Variants in SRCAP observed in about 807,000 individuals in gnomAD.
SRCAP encodes the protein Snf2 related CREBBP activator protein, also known as chromatin remodeling protein SRCAP.
SRCAP carries 46 observed loss-of-function variants against 263.1 expected under a neutral mutation model. That is an observed-to-expected ratio of 0.17 (90% CI 0.14 to 0.22). The LOEUF is 0.22. Among genes scored for constraint, SRCAP ranks in the 10% least tolerant of loss-of-function variants. The pLI, the probability that SRCAP is intolerant of heterozygous loss-of-function variation, is 1.00. For missense variants in SRCAP, 3,695 were observed against 4,181.9 expected, an observed-to-expected ratio of 0.88 and a Z score of 3.21; for synonymous variants, 1,813 against 1,662.1, an observed-to-expected ratio of 1.09 and a Z score of -2.21.
At position 30,700,698 on chromosome 16, in the gene SRCAP, G is replaced by T; in HGVS notation, c.-127G>T. 5.7e-6 allele frequency: 5 copies of T among 878,910 alleles called. No individual in the cohort carries two copies. Among genetic ancestry groups the T allele is most frequent in the South Asian group, 5.5e-5 (3 of 54,150 alleles). The allele number at this position is 878,910 out of a possible 1,614,324, so 54.4% of individuals were successfully genotyped here. On this transcript the variant is annotated 5_prime_UTR_variant, in exon 3 of 34. Transcript: ENST00000262518. ...CCCTGGAAGGCGGGTCCCGGTGGCC[G>T]GTGGCCCAGAATGAGGCCAGCTCCC...
In SRCAP at chr16:30,739,519, C is replaced by G. The variant is rs776927878; in HGVS notation, c.9479C>G (p.Pro3160Arg). The change falls in exon 34 of 34, where the codon CCA (proline) becomes CGA (arginine). Residue 3160 changes from proline (P) to arginine (R), a missense_variant. This residue lies in a region of SRCAP where 1,207 missense variants were observed against 1,142.9 expected (regional missense o/e 1.06). Coordinates refer to ENST00000262518, the MANE Select transcript of SRCAP (RefSeq NM_006662.3). ...GLAKRGRLQP[P>R]SPLGPEGSVE... ...GCAAAGCGGGGCCGCCTACAGCCCC[C>G]AAGTCCCCTGGGGCCTGAGGGTTCA... 2.5e-6 allele frequency: 4 copies of G among 1,612,466 alleles called. No individual in the cohort carries two copies. Among genetic ancestry groups the G allele is most frequent in the Non-Finnish European group, 2.5e-6 (3 of 1,179,430 alleles).
chr16:30,726,357 C>G (rs1160925557), intron 25 of SRCAP: 3 of 152,252 alleles, frequency 2.0e-5, no homozygotes, highest in Middle Eastern at 3.4e-3. Context: ...GACAGGTGTT[C>G]TCAGTTTCTG....
At chr16:30,729,287 A>G in intron 26 of SRCAP, 56 bp downstream of exon 26, 2 of 1,598,928 alleles carry the variant, frequency 1.3e-6, no homozygotes, top group South Asian at 1.1e-5. Flanking sequence ...GAGTGGATGT[A>G]GTGCTTAGGG....
At chr16:30,705,263 G>A in intron 4 of SRCAP, among the ~76,000 whole-genome samples, 1 of 152,124 alleles carries the variant, frequency 6.6e-6, no homozygotes, top group East Asian at 1.9e-4. Flanking sequence ...TGATGCCACT[G>A]CACACCAGCC....
At position 30,729,432 on chromosome 16, in the gene SRCAP, C is replaced by T. The variant is rs747266980; in HGVS notation, c.5987C>T (p.Pro1996Leu). ...CCTTCCCTGCATGCCTGCCACCCACCTCCTTGGCTGGCCCCACGTCAGGCA... is the reference window on the plus strand; with the variant it reads ...CCTTCCCTGCATGCCTGCCACCCACTTCCTTGGCTGGCCCCACGTCAGGCA... ...PPPSLHACHP[P>L]PWLAPRQAAF... is the part of the protein sequence containing the mutation. Residue 1996 changes from proline (P) to leucine (L), a missense_variant, in exon 27 of 34, where the codon CCT becomes CTT. Around this residue, in one of 12 missense-constraint regions of SRCAP, gnomAD observed 1,347 missense variants for 1,304.4 expected, o/e 1.03. Coordinates refer to ENST00000262518, the MANE Select transcript of SRCAP (RefSeq NM_006662.3). The T allele has an allele frequency of 2.3e-5, 37 of 1,614,100 alleles. No individual in the cohort carries two copies. In the South Asian group the frequency reaches 3.8e-4, roughly 17 times the overall value.
In SRCAP at chr16:30,711,669, A is replaced by G. The variant is rs573674824; in HGVS notation, c.1417A>G (p.Asn473Asp). The change falls in exon 11 of 34, where the codon AAT (asparagine) becomes GAT (aspartate). Residue 473 changes from asparagine to aspartate, a missense_variant. By Grantham distance (23) the Asn-to-Asp change is conservative (BLOSUM62 1). This residue lies in a region of SRCAP where 288 missense variants were observed against 302.4 expected (regional missense o/e 0.95). Transcript: ENST00000262518. Reference sequence around the variant, plus strand: ...TGAGGATGAAGATGAGGTTGATGCTAATAGCTCTGACTGTGAACCAGAGGG... The same window carrying G: ...TGAGGATGAAGATGAGGTTGATGCTGATAGCTCTGACTGTGAACCAGAGGG... The part of the protein sequence containing the change: ...EDEDEDEVDA[N>D]SSDCEPEGPV... 66 of 1,614,108 alleles carry G rather than the reference A, an allele frequency of 4.1e-5. 1 individual carries two copies. In the South Asian group the frequency reaches 5.8e-4, roughly 14 times the overall value.
At chr16:30,719,462 G>A (rs1250190236) in intron 18 of SRCAP, among the ~76,000 whole-genome samples, 6 of 151,570 alleles carry the variant, frequency 4.0e-5, no homozygotes, top group East Asian at 1.9e-4. Context: ...TGATCCACCC[G>A]CCTCGGCCTC....
chr16:30,735,237 C>T lies in SRCAP; in HGVS notation c.6729+622C>T, dbSNP rs1031974708. 4.8e-5 allele frequency among the ~76,000 whole-genome samples: 7 copies of T among 144,714 alleles called. No individual in the cohort carries two copies. The South Asian group carries it at 1.1e-3, about 23-fold the overall frequency. The allele number at this position is 144,714 out of a possible 152,430, so 94.9% of individuals were successfully genotyped here. A position where few individuals can be genotyped will look rare whatever the true frequency, so the allele number is the denominator to read the frequency against. ...TCTCGGCTCACTGCAAGCTCCGCCTCCCGGGTTCACGCCATTCTCCTGCCT... is the reference window on the plus strand; with the variant it reads ...TCTCGGCTCACTGCAAGCTCCGCCTTCCGGGTTCACGCCATTCTCCTGCCT... On this transcript the variant is annotated intron_variant, in intron 31 of 33. Coordinates refer to ENST00000262518, the MANE Select transcript of SRCAP (RefSeq NM_006662.3).
In SRCAP at chr16:30,720,886, C is replaced by T. The variant is rs764923105; in HGVS notation, c.3161C>T (p.Ser1054Leu). ...CCAGCATCACTGATGGTTTCAGCCT[C>T]ACCTGCCGGGCCCCCGCTTATTCCT... ...VLPASLMVSA[S>L]PAGPPLIPAS... Residue 1054 changes from serine to leucine, a missense_variant, in exon 20 of 34, where the codon TCA becomes TTA. Physicochemically the swap from Ser to Leu is moderately radical, Grantham distance 145. Coordinates refer to ENST00000262518, the MANE Select transcript of SRCAP (RefSeq NM_006662.3). 9.9e-6 allele frequency: 16 copies of T among 1,614,074 alleles called. No homozygotes were observed. The highest frequency in any genetic ancestry group is 2.2e-5 in the East Asian group (1 of 44,892).
chr16:30,716,452 A>T lies in SRCAP; in HGVS notation c.2790A>T (p.Leu930=). 1.2e-6 allele frequency: 2 copies of T among 1,614,088 alleles called. No homozygotes were observed. Among genetic ancestry groups the T allele is most frequent in the Non-Finnish European group, 1.7e-6 (2 of 1,179,982 alleles). ...GICFSTASLV[L]RATDVHPLQR... ...GCTTCAGCACCGCCTCTCTGGTGCT[A>T]AGGGCCACGGATGTCCATCCCCTCC... The change falls in exon 18 of 34, where the codon CTA becomes CTT. Residue 930 remains leucine, a synonymous_variant. Transcript: ENST00000262518.
chr16:30,724,951 G>GT lies in SRCAP; in HGVS notation c.5530dup (p.Ser1844PhefsTer4). On this transcript the variant is annotated frameshift_variant, in exon 25 of 34. Coordinates refer to ENST00000262518, the MANE Select transcript of SRCAP (RefSeq NM_006662.3). LOFTEE classifies it high-confidence loss of function. The stretch of plus-strand genomic sequence containing the variant: ...TGTCACCATGGTATCCCGGCTGCCT[G>GT]TTTCCAAGGATGAGCCTGACACACT... 6.2e-7 allele frequency: 1 copy of GT among 1,614,178 alleles called. No homozygotes were observed. Among genetic ancestry groups the GT allele is most frequent in the Non-Finnish European group, 8.5e-7 (1 of 1,180,040 alleles).
intron 13 of SRCAP, 28 bp downstream of exon 13, chr16:30,712,467 TC>T (rs2052902258): frequency 2.6e-6 from 4 of 1,546,308 alleles, no homozygotes; most frequent in African/African-American, 1.4e-5. Context: ...CTTCTTTTGT[TC>T]CCCCTAGTCT....
chr16:30,720,606 C>T (rs889284032), intron 19 of SRCAP, 107 bp from the exon 20 acceptor site: 5 of 1,339,776 alleles, frequency 3.7e-6, no homozygotes, highest in Non-Finnish European at 5.1e-6. Flanking sequence ...CTTTCCTTTT[C>T]TTTGCTTTTA....
rs1261492203 is a variant in SRCAP at position 30,716,413 on chromosome 16, C to T, written c.2751C>T (p.Ile917=). 12 of 1,614,136 alleles carry T rather than the reference C, an allele frequency of 7.4e-6. No homozygotes were observed. Among genetic ancestry groups the T allele is most frequent in the Non-Finnish European group, 1.0e-5 (12 of 1,180,058 alleles). Residue 917 remains isoleucine (I), a synonymous_variant, in exon 18 of 34, where the codon ATC becomes ATT. Coordinates refer to ENST00000262518, the MANE Select transcript of SRCAP (RefSeq NM_006662.3). ...FDPRPVTSPF[I]TPGICFSTAS... ...CTCGACCGGTTACCTCCCCTTTCAT[C>T]ACCCCAGGCATCTGCTTCAGCACCG...
At chr16:30,726,195 G>C (rs1478096785) in intron 25 of SRCAP, 1 of 152,096 alleles carries the variant, frequency 6.6e-6, no homozygotes, top group African/African-American at 2.4e-5. Flanking sequence ...TTGTGTTATA[G>C]CGTATATCAG....
In SRCAP at chr16:30,729,054, C is replaced by T; in HGVS notation, c.5747C>T (p.Pro1916Leu). 6.2e-7 allele frequency: 1 copy of T among 1,614,170 alleles called. No homozygotes were observed. The highest frequency in any genetic ancestry group is 8.5e-7 in the Non-Finnish European group (1 of 1,180,026). Residue 1916 changes from proline (P) to leucine (L), a missense_variant, in exon 26 of 34, where the codon CCT (proline) becomes CTT (leucine). Physicochemically the swap from Pro to Leu is moderately conservative, Grantham distance 98. This residue lies in a region of SRCAP where 1,347 missense variants were observed against 1,304.4 expected (regional missense o/e 1.03). Coordinates refer to ENST00000262518, the MANE Select transcript of SRCAP (RefSeq NM_006662.3). Reference protein sequence around the residue: ...QLSEAHGALAPVYGTEVLDFC... With the variant: ...QLSEAHGALALVYGTEVLDFC... ...AGTGAGGCTCATGGGGCCCTGGCACCTGTGTATGGGACTGAAGTCCTGGAT... is the reference window on the plus strand; with the variant it reads ...AGTGAGGCTCATGGGGCCCTGGCACTTGTGTATGGGACTGAAGTCCTGGAT...
chr16:30,736,472 G>T, intron 32 of SRCAP, 69 bp from the exon 33 acceptor site: 2 of 1,610,526 alleles, frequency 1.2e-6, no homozygotes, highest in Non-Finnish European at 1.7e-6. Flanking sequence ...TCCCTGGTGG[G>T]AATAAATAAG....
intron 2 of SRCAP, among the ~76,000 whole-genome samples, chr16:30,700,194 T>G (rs2052749669): frequency 6.6e-6 from 1 of 152,070 alleles, no homozygotes; most frequent in African/African-American, 2.4e-5. Context: ...CCAGGAAGAG[T>G]AGCAGGTTTT....
At position 30,709,946 on chromosome 16, in the gene SRCAP, A is replaced by C. The variant is rs1596645600; in HGVS notation, c.952A>C (p.Arg318=). 2 of 1,614,226 alleles carry C rather than the reference A, an allele frequency of 1.2e-6. No homozygotes were observed. Among genetic ancestry groups the C allele is most frequent in the Non-Finnish European group, 1.7e-6 (2 of 1,180,044 alleles). The change falls in exon 8 of 34, where the codon AGG becomes CGG. Residue 318 remains arginine (R), a synonymous_variant. Transcript: ENST00000262518. The part of the protein sequence containing the change: ...QQEGNDAEAQ[R]REIELLRREG... ...GGAAGGCAATGATGCAGAGGCCCAG[A>C]GGCGTGAGATTGAGCTGCTTCGCCG...
Sources: gnomAD v4.1 joint callset for allele counts (sites outside exome capture counted in the v4.1 genomes callset) on GRCh38, gnomAD v4.1.1 for gene constraint, gnomAD v4.1.1 regional missense constraint, MANE v1.5 for transcripts, NCBI Gene and HGNC (gene_info 2026-07-23, HGNC 2026-07-21) for gene names.